Variants in CACNG2 observed in about 807,000 individuals in gnomAD.
The protein encoded by CACNG2 is voltage-dependent calcium channel gamma-2 subunit.
A neutral mutation model predicts 25.9 loss-of-function variants in CACNG2; 3 were observed. The observed-to-expected ratio is 0.12, with a 90% CI of 0.05 to 0.30. CACNG2 has a LOEUF of 0.30. Ranked by LOEUF, CACNG2 falls within the 10% of genes least tolerant of loss-of-function variation. The pLI is 1.00. For synonymous variants in CACNG2, 167 were observed against 173.3 expected (o/e 0.96, Z 0.29); for missense variants, 341 against 432.5 (o/e 0.79, Z 1.88).
intron 1 of CACNG2, among the ~76,000 whole-genome samples, chr22:36,690,175 A>C (rs1423825784): frequency 6.6e-6 from 1 of 152,226 alleles, no homozygotes; most frequent in African/African-American, 2.4e-5. Flanking sequence ...CGACGCCTAC[A>C]GAGGCCGGGA....
At chr22:36,592,230 A>T (rs1191314764) in intron 1 of CACNG2, among the ~76,000 whole-genome samples, 2 of 126,136 alleles carry the variant, frequency 1.6e-5, no homozygotes, top group Non-Finnish European at 3.3e-5. Context: ...GAGGCAGTGC[A>T]AAGGCGGGGG....
At position 36,632,542 on chromosome 22, in the gene CACNG2, C is replaced by A. The variant is rs547125764; in HGVS notation, c.212-44994G>T. Among the ~76,000 whole-genome samples, 16 of 150,698 alleles carry A rather than the reference C, an allele frequency of 1.1e-4. No individual in the cohort carries two copies. In the South Asian group the frequency reaches 3.2e-3, roughly 30 times the overall value. On this transcript the variant is annotated intron_variant, in intron 1 of 3. Transcript: ENST00000300105. ...TTCTCTCTCTCTCCCATTAGTATTT[C>A]ATCTCCAGCATCCTCTCATGACTCA...
chr22:36,675,501 C>T (rs550833099), intron 1 of CACNG2, among the ~76,000 whole-genome samples: 1 of 152,182 alleles, frequency 6.6e-6, no homozygotes, highest in African/African-American at 2.4e-5. Context: ...CCTTTTATGT[C>T]GACTTTTCTC....
chr22:36,684,078 G>A (rs747409451), intron 1 of CACNG2, among the ~76,000 whole-genome samples: 87 of 152,156 alleles, frequency 5.7e-4, no homozygotes, highest in Non-Finnish European at 1.1e-3. Flanking sequence ...AGAGCCACCC[G>A]TCTCTCCATG....
At chr22:36,613,587 TG>T (rs1935977975) in intron 1 of CACNG2, among the ~76,000 whole-genome samples, 2 of 152,132 alleles carry the variant, frequency 1.3e-5, no homozygotes, top group South Asian at 4.2e-4. Flanking sequence ...TTGGTGTTTC[TG>T]GGGCTCTCTC....
intron 1 of CACNG2, among the ~76,000 whole-genome samples, chr22:36,660,338 A>G (rs6000371): frequency 0.1 from 15,769 of 152,280 alleles, 2,709 homozygotes; most frequent in African/African-American, 0.36. Flanking sequence ...GCCCGTGACC[A>G]TGGCTTCTGC....
chr22:36,617,773 C>T (rs1335474053), intron 1 of CACNG2, among the ~76,000 whole-genome samples: 1 of 151,032 alleles, frequency 6.6e-6, no homozygotes, highest in African/African-American at 2.4e-5. Context: ...CTTAACTTCC[C>T]TGAGCCTGTT....
At chr22:36,636,446 G>A (rs1007492931) in intron 1 of CACNG2, among the ~76,000 whole-genome samples, 8 of 152,148 alleles carry the variant, frequency 5.3e-5, no homozygotes, top group African/African-American at 1.9e-4. Flanking sequence ...CACACAACCT[G>A]GACAGGGGGA....
intron 1 of CACNG2, among the ~76,000 whole-genome samples, chr22:36,646,975 A>C (rs1354574000): frequency 1.3e-5 from 2 of 152,116 alleles, no homozygotes; most frequent in Non-Finnish European, 2.9e-5. Context: ...TCTTTATTCA[A>C]ATCATACAGT....
intron 1 of CACNG2, among the ~76,000 whole-genome samples, chr22:36,634,313 G>C (rs910786127): frequency 3.3e-5 from 5 of 152,174 alleles, no homozygotes; most frequent in Non-Finnish European, 5.9e-5. Flanking sequence ...ACCCATTACA[G>C]CCTCTCCTAG....
intron 1 of CACNG2, among the ~76,000 whole-genome samples, chr22:36,676,871 A>G (rs1180939636): frequency 1.3e-5 from 2 of 151,416 alleles, no homozygotes; most frequent in Admixed American, 6.6e-5. Context: ...GAAAAATGGT[A>G]GGGACCTAAT....
At chr22:36,642,684 G>A (rs1455925768) in intron 1 of CACNG2, among the ~76,000 whole-genome samples, 2 of 152,178 alleles carry the variant, frequency 1.3e-5, no homozygotes, top group African/African-American at 4.8e-5. Flanking sequence ...TCTGTCCTTA[G>A]ACAACAGGGG....
At chr22:36,566,104 T>A (rs150873362) in intron 3 of CACNG2, among the ~76,000 whole-genome samples, 2 of 152,308 alleles carry the variant, frequency 1.3e-5, no homozygotes, top group East Asian at 3.9e-4. Flanking sequence ...AGCGGGCATT[T>A]GGGCCTTTTC....
At position 36,593,084 on chromosome 22, in the gene CACNG2, G is replaced by C. The variant is rs1324265177; in HGVS notation, c.212-5536C>G. Among the ~76,000 whole-genome samples the C allele has an allele frequency of 2.0e-5, 3 of 152,210 alleles. 1 individual carries two copies. Among genetic ancestry groups the C allele is most frequent in the African/African-American group, 4.8e-5 (2 of 41,454 alleles). The stretch of plus-strand genomic sequence containing the variant: ...CCAGCCTTGGGGAGCGAGGAGAGGA[G>C]ATGGAGCCTTGGTCCCAGCCCTTCT... On this transcript the variant is annotated intron_variant, in intron 1 of 3. Coordinates refer to ENST00000300105, the MANE Select transcript of CACNG2 (RefSeq NM_006078.5).
rs1220829943 is a variant in CACNG2, at chr22:36,695,460, C to T, written c.211+6906G>A. 2.0e-5 allele frequency among the ~76,000 whole-genome samples: 3 copies of T among 151,716 alleles called. No homozygotes were observed. In the South Asian group the frequency reaches 6.3e-4, roughly 32 times the overall value. On this transcript the variant is annotated intron_variant, in intron 1 of 3. Transcript: ENST00000300105. ...GACCACTTCCACTTGCCCCTCCCAC[C>T]CCATCCAGCATCACCACCCTGCCAC...
intron 1 of CACNG2, among the ~76,000 whole-genome samples, chr22:36,625,708 T>C (rs1452889492): frequency 6.6e-6 from 1 of 152,214 alleles, no homozygotes; most frequent in Non-Finnish European, 1.5e-5. Flanking sequence ...TATCTTTAAC[T>C]ACAGTTTAAA....
At chr22:36,672,849 C>A (rs1440054533) in intron 1 of CACNG2, among the ~76,000 whole-genome samples, 1 of 152,230 alleles carries the variant, frequency 6.6e-6, no homozygotes, top group Non-Finnish European at 1.5e-5. Flanking sequence ...CTGGAAGCTT[C>A]TTGGGCTAAG....
chr22:36,589,565 C>A (rs1935555525), intron 1 of CACNG2, among the ~76,000 whole-genome samples: 1 of 152,172 alleles, frequency 6.6e-6, no homozygotes. Flanking sequence ...TATCCCTGTA[C>A]CAAATTCACT....
chr22:36,607,615 C>A, intron 1 of CACNG2, among the ~76,000 whole-genome samples: 1 of 152,142 alleles, frequency 6.6e-6, no homozygotes, highest in Non-Finnish European at 1.5e-5. Context: ...TGCTCAAACA[C>A]CACCTACACC....
Sources: allele counts gnomAD v4.1 joint callset (sites outside exome capture counted in the v4.1 genomes callset), GRCh38; gene constraint gnomAD v4.1.1; transcripts MANE v1.5; gene names NCBI Gene and HGNC (gene_info 2026-07-23, HGNC 2026-07-21).